The following LUZP1 variants were observed in gnomAD, a reference collection of about 807,000 sequenced individuals.
LUZP1 encodes leucine zipper protein 1.
Under a neutral mutation model 71.3 loss-of-function variants are expected in LUZP1, and 25 were observed. The observed-to-expected ratio is 0.35, with a 90% confidence interval of 0.26 to 0.49. The LOEUF (loss-of-function observed/expected upper bound fraction) is 0.49. Ranked by LOEUF, LUZP1 falls within the 20% of genes least tolerant of loss-of-function variation. LUZP1 has a pLI of 0.99. For synonymous variants in LUZP1, 481 were observed against 506.4 expected (o/e 0.95, Z 0.67); for missense variants, 1,142 against 1,300.8 (o/e 0.88, Z 1.88).
intron 2 of LUZP1, among the ~76,000 whole-genome samples, chr1:23,120,936 G>A (rs1644124731): frequency 1.3e-5 from 2 of 152,162 alleles, no homozygotes. Context: ...AGGTGGATCA[G>A]ACCACTATCT....
At chr1:23,176,053 CT>C (rs560767438) in intron 1 of LUZP1, among the ~76,000 whole-genome samples, 8 of 145,782 alleles carry the variant, frequency 5.5e-5, no homozygotes, top group African/African-American at 1.8e-4. Flanking sequence ...CCACCTTTTA[CT>C]TCCTTGACTT....
At chr1:23,137,232 A>T (rs979079316) in intron 2 of LUZP1, among the ~76,000 whole-genome samples, 14 of 152,236 alleles carry the variant, frequency 9.2e-5, no homozygotes, top group South Asian at 2.1e-4. Context: ...AAAAATATCC[A>T]ACTAAAAATG....
chr1:23,145,445 T>G (rs1434225387), intron 2 of LUZP1, among the ~76,000 whole-genome samples: 1 of 151,630 alleles, frequency 6.6e-6, no homozygotes, highest in Non-Finnish European at 1.5e-5. Flanking sequence ...ACAACAACCC[T>G]ATGAGGCAGA....
chr1:23,124,685 C>G (rs12087937), intron 2 of LUZP1, among the ~76,000 whole-genome samples: 26,243 of 152,092 alleles, frequency 0.17, 2,331 homozygotes, highest in East Asian at 0.27. Context: ...ACTACAAGAA[C>G]CCTTAAACAG....
intron 2 of LUZP1, among the ~76,000 whole-genome samples, chr1:23,158,375 G>A (rs1254481462): frequency 6.6e-6 from 1 of 152,194 alleles, no homozygotes; most frequent in African/African-American, 2.4e-5. Context: ...GTTAGGCTAG[G>A]CGCAGTGGCT....
intron 2 of LUZP1, among the ~76,000 whole-genome samples, chr1:23,158,642 T>G (rs529112168): frequency 2.0e-5 from 2 of 101,782 alleles, no homozygotes; most frequent in East Asian, 5.5e-4. Context: ...AGCAAGACTC[T>G]GTCTCAAAAA....
chr1:23,093,492 C>T lies in LUZP1; in HGVS notation c.770G>A (p.Arg257Lys), dbSNP rs148874653. The change falls in exon 4 of 5, where the codon AGG becomes AAG. Residue 257 changes from arginine (R) to lysine (K), a missense_variant. By Grantham distance (26) the Arg-to-Lys change is conservative. Coordinates refer to ENST00000302291, the Ensembl canonical transcript of LUZP1. The surrounding 1 kb of genome is among the most constrained non-coding windows in gnomAD (Gnocchi z 4.2). ...CTTTAGGTAGTCCAGACCACCCTTC[C>T]TTCTTGATTCTTTGGACGGCAGTGT... 7.2e-5 allele frequency: 116 copies of T among 1,612,428 alleles called. No individual in the cohort carries two copies. Among genetic ancestry groups the T allele is most frequent in the Non-Finnish European group, 9.5e-5 (112 of 1,179,714 alleles).
At chr1:23,117,966 T>C (rs1644099173) in intron 2 of LUZP1, among the ~76,000 whole-genome samples, 1 of 152,128 alleles carries the variant, frequency 6.6e-6, no homozygotes, top group Non-Finnish European at 1.5e-5. Context: ...GGCGTACGCC[T>C]GTAGTCCCAG....
Position 23,173,360 on chromosome 1 carries a change from T to TC in LUZP1, c.-485+4130_-485+4131insG, listed in dbSNP as rs1284660347. 5.8e-3 allele frequency among the ~76,000 whole-genome samples: 811 copies of TC among 140,912 alleles called. 13 individuals are homozygous for TC. The highest frequency in any genetic ancestry group is 0.019 in the African/African-American group (737 of 38,188). 92.4% of individuals were successfully genotyped at this position (140,912 alleles called of 152,430 possible). A position where few individuals can be genotyped will look rare whatever the true frequency, so the allele number is the denominator to read the frequency against. On this transcript the variant is annotated intron_variant, in intron 1 of 4. Transcript: ENST00000302291. ...TTGTTTTTGTTTTTTCTTTTTTTTT[T>TC]TTTTTTTTTTTTCAGATAGAGTCTC...
intron 3 of LUZP1, among the ~76,000 whole-genome samples, chr1:23,103,109 T>C (rs1482187832): frequency 1.3e-5 from 2 of 149,570 alleles, no homozygotes; most frequent in African/African-American, 4.9e-5. Context: ...TTTTTCTCAT[T>C]TTTTTTTTTT....
chr1:23,110,145 T>A (rs1644016172), intron 2 of LUZP1, among the ~76,000 whole-genome samples: 1 of 152,266 alleles, frequency 6.6e-6, no homozygotes, highest in Admixed American at 6.5e-5. Flanking sequence ...ACTTTGAAAG[T>A]CCCTTCACCA....
chr1:23,097,444 T>C (rs1487939148), intron 3 of LUZP1, among the ~76,000 whole-genome samples: 1 of 152,160 alleles, frequency 6.6e-6, no homozygotes, highest in Non-Finnish European at 1.5e-5. Context: ...TGGCAGTACA[T>C]GCGTTCCAAG....
intron 4 of LUZP1, 74 bp downstream of exon 3, chr1:23,091,116 A>G: frequency 2.8e-6 from 4 of 1,413,774 alleles, no homozygotes; most frequent in Non-Finnish European, 3.8e-6. Context: ...AGGCCAGAGC[A>G]GAGGGGAAAA....
chr1:23,165,396 G>A (rs939308137), intron 2 of LUZP1, among the ~76,000 whole-genome samples: 1 of 151,164 alleles, frequency 6.6e-6, no homozygotes, highest in Non-Finnish European at 1.5e-5. Flanking sequence ...TCCGGGCAGG[G>A]CATGATGGCT....
chr1:23,154,709 A>ATT (rs1191570803), intron 2 of LUZP1, among the ~76,000 whole-genome samples: 10,604 of 125,576 alleles, frequency 0.084, 1,638 homozygotes, highest in African/African-American at 0.3. Context: ...CACCTGGCTA[A>ATT]TTTTTTTTTT....
exon 5 of LUZP1, chr1:23,084,892 G>A (rs941756141): frequency 1.3e-5 from 2 of 152,552 alleles, no homozygotes; most frequent in South Asian, 2.1e-4. Flanking sequence ...CTAGAGCTGC[G>A]CCAACGCATA....
chr1:23,154,421 C>T (rs1459843355), intron 2 of LUZP1, among the ~76,000 whole-genome samples: 1 of 152,018 alleles, frequency 6.6e-6, no homozygotes, highest in Non-Finnish European at 1.5e-5. Context: ...TGCCTGTAGT[C>T]CCAGCTACTT....
At chr1:23,087,809 C>T (rs542214902) in exon 5 of LUZP1, 11 of 152,598 alleles carry the variant, frequency 7.2e-5, no homozygotes, top group African/African-American at 2.4e-4. Flanking sequence ...TTTCCTCCAG[C>T]GAAGTCATCA....
chr1:23,132,512 T>TA lies in LUZP1; in HGVS notation c.-225-23386dup, dbSNP rs11311477. ...GTTCTTCAAGAGAACACTTCTTGTTTAAAAAAAAAAAAAAAACTATAAAAG... is the reference window on the plus strand; with the variant it reads ...GTTCTTCAAGAGAACACTTCTTGTTTAAAAAAAAAAAAAAAAACTATAAAAG... On this transcript the variant is annotated intron_variant, in intron 2 of 4. Transcript: ENST00000302291. 3.8e-3 allele frequency among the ~76,000 whole-genome samples: 554 copies of TA among 144,944 alleles called. 2 individuals carry two copies. Among genetic ancestry groups the TA allele is most frequent in the African/African-American group, 8.4e-3 (334 of 39,696 alleles).
Sources: gnomAD v4.1 joint callset for allele counts (sites outside exome capture counted in the v4.1 genomes callset) on GRCh38, gnomAD v4.1.1 for gene constraint, Gnocchi (gnomAD v3.1) non-coding constraint, MANE v1.5 for transcripts, NCBI Gene and HGNC (gene_info 2026-07-23, HGNC 2026-07-21) for gene names.